NCLN: variants seen among roughly 807,000 people sequenced by gnomAD.
NCLN encodes BOS complex subunit NCLN.
NCLN carries 34 observed loss-of-function variants against 69.5 expected under a neutral mutation model. The ratio of observed to expected loss-of-function variants is 0.49; its 90% confidence interval spans 0.37 to 0.65. The LOEUF (loss-of-function observed/expected upper bound fraction) is 0.65, where lower values mean the gene tolerates loss of function less well. Among genes scored for constraint, NCLN ranks in the 30% least tolerant of loss-of-function variants. NCLN has a pLI of 0.00. For missense variants in NCLN, 710 were observed against 804.8 expected (o/e 0.88, Z 1.42); for synonymous variants, 393 against 358.3 (o/e 1.10, Z -1.09).
In NCLN at chr19:3,207,469, G is replaced by T; in HGVS notation, c.1632G>T (p.Gln544His). 1 of 1,612,766 alleles carries T rather than the reference G, an allele frequency of 6.2e-7. No homozygotes were observed. Among genetic ancestry groups the T allele is most frequent in the Non-Finnish European group, 8.5e-7 (1 of 1,179,950 alleles). ...TCGGCATGGCCTACGTGGCTGTCCA[G>T]GTGAGCAGTGCCCAGGCTCAGGTGG... ...AYLGMAYVAV[Q>H]HFSLLYKTVQ... Residue 544 changes from glutamine to histidine, a missense_variant and splice_region_variant, in exon 14 of 15, where the codon CAG becomes CAT. Physicochemically the swap from Gln to His is conservative, Grantham distance 24 (BLOSUM62 0). Transcript: ENST00000246117.
chr19:3,186,577 C>T (rs368121501), intron 1 of NCLN, among the ~76,000 whole-genome samples: 18 of 152,298 alleles, frequency 1.2e-4, no homozygotes, highest in African/African-American at 4.3e-4. Flanking sequence ...CCTCCTGGGC[C>T]CCCTCCGCCC....
At position 3,207,739 on chromosome 19, in the gene NCLN, C is replaced by T. The variant is rs751109273; in HGVS notation, c.*51C>T. The T allele has an allele frequency of 2.9e-5, 44 of 1,527,516 alleles. No homozygotes were observed. Among genetic ancestry groups the T allele is most frequent in the Admixed American group, 5.1e-5 (3 of 59,234 alleles). 94.6% of individuals were successfully genotyped at this position (1,527,516 alleles called of 1,614,324 possible). A position where few individuals can be genotyped will look rare whatever the true frequency, so the allele number is the denominator to read the frequency against. On this transcript the variant is annotated 3_prime_UTR_variant, in exon 15 of 15. Coordinates refer to ENST00000246117, the MANE Select transcript of NCLN (RefSeq NM_020170.4). Reference sequence around the variant, plus strand: ...CCCGCCGCTCCACAGTCCCTGGGGCCGAGCACGAGTGAGTGGACACTGCCC... The same window carrying T: ...CCCGCCGCTCCACAGTCCCTGGGGCTGAGCACGAGTGAGTGGACACTGCCC...
At chr19:3,204,998 G>C (rs542561939) in intron 9 of NCLN, among the ~76,000 whole-genome samples, 1 of 152,152 alleles carries the variant, frequency 6.6e-6, no homozygotes, top group South Asian at 2.1e-4. Flanking sequence ...CCCAGACCCC[G>C]TCACCTGTTG....
chr19:3,204,498 C>G, intron 8 of NCLN, 75 bp from the exon 9 acceptor site: 1 of 1,438,646 alleles, frequency 7.0e-7, no homozygotes, highest in Non-Finnish European at 9.3e-7. Context: ...TGGGAGGCCC[C>G]TGGAGCATTT....
At chr19:3,206,600 C>T (rs1038565989) in intron 12 of NCLN, among the ~76,000 whole-genome samples, 175 bp downstream of exon 12, 1 of 152,204 alleles carries the variant, frequency 6.6e-6, no homozygotes, top group Non-Finnish European at 1.5e-5. Flanking sequence ...CTTTGGGAAT[C>T]CGAGGCAGGT....
chr19:3,198,963 G>A (rs1405782681), intron 5 of NCLN, 66 bp downstream of exon 5: 7 of 1,185,494 alleles, frequency 5.9e-6, no homozygotes, highest in African/African-American at 3.2e-5. Context: ...GTCCAGTGCC[G>A]AGGCAAAGCG....
chr19:3,186,296 C>T (rs1722030994), intron 1 of NCLN, 82 bp downstream of exon 1: 1 of 1,351,472 alleles, frequency 7.4e-7, no homozygotes, highest in African/African-American at 1.5e-5. Context: ...AGGCCGATCC[C>T]TAGCTCCGGC....
chr19:3,201,633 G>A lies in NCLN; in HGVS notation c.800+7G>A. On this transcript the variant is annotated splice_region_variant and intron_variant, in intron 6 of 14. Coordinates refer to ENST00000246117, the MANE Select transcript of NCLN (RefSeq NM_020170.4). ...ACAAGCGCACGCACGCCGCGTGAGT[G>A]CCGGGGTGGGCAGGGGGATGGGGGT... The A allele has an allele frequency of 2.0e-6, 3 of 1,518,414 alleles. No individual in the cohort carries two copies. Among genetic ancestry groups the A allele is most frequent in the Non-Finnish European group, 2.6e-6 (3 of 1,132,532 alleles). The allele number at this position is 1,518,414 out of a possible 1,614,324, so 94.1% of individuals were successfully genotyped here. A position where few individuals can be genotyped will look rare whatever the true frequency, so the allele number is the denominator to read the frequency against.
At chr19:3,194,932 C>T (rs1451657521) in intron 3 of NCLN, among the ~76,000 whole-genome samples, 4 of 151,284 alleles carry the variant, frequency 2.6e-5, no homozygotes, top group Admixed American at 1.3e-4. Flanking sequence ...CCAGCACTTA[C>T]GGAGGCTGAG....
rs760161053 is a variant in NCLN, at chr19:3,192,625, A to G, written c.340A>G (p.Arg114Gly). 1 of 1,584,612 alleles carries G rather than the reference A, an allele frequency of 6.3e-7. No homozygotes were observed. Among genetic ancestry groups the G allele is most frequent in the Admixed American group, 1.8e-5 (1 of 56,606 alleles). Residue 114 changes from arginine to glycine, a missense_variant, in exon 2 of 15, where the codon AGG becomes GGG. Physicochemically the swap from Arg to Gly is moderately radical, Grantham distance 125. Transcript: ENST00000246117. ...GGGCGCCGTGGTCATCATCCTGCCC[A>G]GGGCCATGGCCGCCGTGCCCCAGGA... ...SAGAVVIILP[R>G]AMAAVPQDVV...
Position 3,204,131 on chromosome 19 carries a change from G to A in NCLN, c.1016G>A (p.Arg339Gln), listed in dbSNP as rs745689989. The A allele has an allele frequency of 8.6e-6, 13 of 1,513,588 alleles. No homozygotes were observed. The highest frequency in any genetic ancestry group is 6.9e-5 in the East Asian group (3 of 43,636). 93.8% of individuals were successfully genotyped at this position (1,513,588 alleles called of 1,614,324 possible). Residue 339 changes from arginine to glutamine, a missense_variant, in exon 8 of 15, where the codon CGG becomes CAG. Transcript: ENST00000246117. The stretch of plus-strand genomic sequence containing the variant: ...GGCACCCTGCAGCACGCCTTCCTGC[G>A]GGAGCTGGAGACGGTGGGTGCCCCT... ...REGTLQHAFL[R>Q]ELETVAAHQF...
chr19:3,196,576 T>G (rs1291189573), intron 4 of NCLN, among the ~76,000 whole-genome samples: 1 of 152,072 alleles, frequency 6.6e-6, no homozygotes, highest in Non-Finnish European at 1.5e-5. Context: ...CCAGGGCCTT[T>G]GCACCGGCTG....
At chr19:3,206,217 T>TGGGTGGGC (rs1420672924) in intron 11 of NCLN, 27 bp downstream of exon 11, 3 of 187,200 alleles carry the variant, frequency 1.6e-5, no homozygotes, top group East Asian at 1.3e-4. Context: ...AGTGGGTGGG[T>TGGGTGGGC]GGGTGGGCGG....
Position 3,207,976 on chromosome 19 carries a change from G to A in NCLN, c.*288G>A, listed in dbSNP as rs1057454080. 2.0e-4 allele frequency: 93 copies of A among 464,278 alleles called. No homozygotes were observed. The highest frequency in any genetic ancestry group is 2.0e-4 in the East Asian group (5 of 25,390). 28.8% of individuals were successfully genotyped at this position (464,278 alleles called of 1,614,324 possible). ...GACGAGCCCCCCAGTCCTGGGAGCC[G>A]GCCGCCCTCGGTCTGGTGTAAGCAC... On this transcript the variant is annotated 3_prime_UTR_variant, in exon 15 of 15. Transcript: ENST00000246117.
intron 2 of NCLN, 31 bp from the exon 3 acceptor site, chr19:3,193,253 G>A (rs746613064): frequency 5.0e-5 from 78 of 1,575,534 alleles, no homozygotes; most frequent in Non-Finnish European, 5.9e-5. Context: ...CACCAGGCCA[G>A]CAGCCCCCTA....
chr19:3,186,334 C>G (rs1915669150), intron 1 of NCLN, 120 bp downstream of exon 1: 1 of 1,167,066 alleles, frequency 8.6e-7, no homozygotes, highest in Non-Finnish European at 1.1e-6. Context: ...TGCTCAGGCC[C>G]CAGGCGAGGC....
chr19:3,196,022 G>A (rs1599352802), intron 3 of NCLN, among the ~76,000 whole-genome samples, 161 bp from the exon 4 acceptor site: 1 of 152,184 alleles, frequency 6.6e-6, no homozygotes, highest in Non-Finnish European at 1.5e-5. Context: ...TGTCCTAGGG[G>A]GAGCACGGGC....
At chr19:3,196,853 G>A (rs1915972961) in intron 4 of NCLN, among the ~76,000 whole-genome samples, 1 of 152,244 alleles carries the variant, frequency 6.6e-6, no homozygotes, top group Admixed American at 6.5e-5. Flanking sequence ...GACTCCTCTA[G>A]CATTTCCCTG....
chr19:3,195,455 T>C (rs1357908235), intron 3 of NCLN, among the ~76,000 whole-genome samples: 1 of 152,058 alleles, frequency 6.6e-6, no homozygotes, highest in Non-Finnish European at 1.5e-5. Flanking sequence ...TTCACCGTGT[T>C]AGCCAGGAGG....
Sources: gnomAD v4.1 joint callset for allele counts (sites outside exome capture counted in the v4.1 genomes callset) on GRCh38, gnomAD v4.1.1 for gene constraint, MANE v1.5 for transcripts, NCBI Gene and HGNC (gene_info 2026-07-23, HGNC 2026-07-21) for gene names.